HTR2C: variants seen among roughly 807,000 people sequenced by gnomAD.
HTR2C encodes 5-hydroxytryptamine (serotonin) receptor 2C, G protein-coupled.
In HTR2C, 5 loss-of-function variants were observed where a neutral mutation model predicts 21.0. The ratio of observed to expected loss-of-function variants is 0.24; its 90% CI spans 0.12 to 0.50. The LOEUF is 0.50. Ranked by LOEUF, HTR2C falls within the 20% of genes least tolerant of loss-of-function variation. The probability of loss-of-function intolerance (pLI) is 0.98; values close to 1 mark genes in which losing one functional copy is unlikely to be tolerated. For synonymous variants in HTR2C, 150 were observed against 145.3 expected (o/e 1.03, Z -0.23); for missense variants, 271 against 371.2 (o/e 0.73, Z 2.22).
At position 114,780,583 on chromosome X, in the gene HTR2C, A is replaced by G. The variant is rs1489285608; in HGVS notation, c.349+48976A>G. On this transcript the variant is annotated intron_variant, in intron 4 of 5. Transcript: ENST00000276198. ...TGCAAGAAAAGGTGCCTTAGAATTG[A>G]GGGGAGGAGTAAACCTGTCCCTGAT... 2.7e-5 allele frequency among the ~76,000 whole-genome samples: 3 copies of G among 111,527 alleles called. No individual in the cohort carries two copies. In the East Asian group the frequency reaches 8.5e-4, roughly 32 times the overall value.
chrX:114,726,767 C>G, intron 2 of HTR2C, 91 bp from the exon 3 acceptor site: 1 of 395,951 alleles, frequency 2.5e-6, no homozygotes. Flanking sequence ...TTCTTATCAC[C>G]ATTAAGTGCA....
rs199558474 is a variant in HTR2C, at chrX:114,848,219, T to C, written c.550+16T>C. ...ATTTCTATAGGTAAATAAAACTTTT[T>C]GGCCATAAGAATTGCAGCGGCTATG... On this transcript the variant is annotated intron_variant, in intron 5 of 5. Transcript: ENST00000276198. 6.0e-6 allele frequency: 7 copies of C among 1,162,828 alleles called. No homozygotes were observed. The highest frequency in any genetic ancestry group is 7.0e-6 in the Non-Finnish European group (6 of 853,237).
intron 4 of HTR2C, among the ~76,000 whole-genome samples, chrX:114,817,702 G>A (rs2070598495): frequency 9.0e-6 from 1 of 111,329 alleles, no homozygotes; most frequent in African/African-American, 3.3e-5. Context: ...GGAAGGGGTA[G>A]AATGAGGTTG....
At chrX:114,852,800 G>T (rs1271751318) in intron 5 of HTR2C, among the ~76,000 whole-genome samples, 1 of 109,883 alleles carries the variant, frequency 9.1e-6, no homozygotes, top group Non-Finnish European at 1.9e-5. Context: ...TGTCCTTTGT[G>T]TGTGCGTGCG....
intron 2 of HTR2C, among the ~76,000 whole-genome samples, chrX:114,702,580 C>T (rs1217766522): frequency 9.0e-6 from 1 of 111,535 alleles, no homozygotes; most frequent in Non-Finnish European, 1.9e-5. Context: ...TGGAAAGGAA[C>T]AACCGGTACC....
intron 5 of HTR2C, among the ~76,000 whole-genome samples, chrX:114,863,863 A>T (rs142749346): frequency 2.7e-5 from 3 of 111,568 alleles, no homozygotes; most frequent in Admixed American, 1.9e-4. Flanking sequence ...CTCCTGATGA[A>T]CTGGCTCTTT....
chrX:114,876,799 G>A (rs1282623763), intron 5 of HTR2C, among the ~76,000 whole-genome samples: 6 of 110,522 alleles, frequency 5.4e-5, no homozygotes, highest in Non-Finnish European at 9.5e-5. Context: ...CTTGGTCATG[G>A]TGTATGATAC....
At chrX:114,638,725 T>G (rs1196586887) in intron 2 of HTR2C, among the ~76,000 whole-genome samples, 1 of 87,204 alleles carries the variant, frequency 1.1e-5, no homozygotes, top group Non-Finnish European at 2.2e-5. Context: ...CCTTCCTGTG[T>G]CCATGTGTTC....
chrX:114,796,599 T>A (rs185132703), intron 4 of HTR2C, among the ~76,000 whole-genome samples: 1 of 111,957 alleles, frequency 8.9e-6, no homozygotes, highest in Non-Finnish European at 1.9e-5. Flanking sequence ...CTGCATTTAG[T>A]TATGAATAGC....
chrX:114,698,954 G>A (rs781883070), intron 2 of HTR2C, among the ~76,000 whole-genome samples: 5 of 111,612 alleles, frequency 4.5e-5, no homozygotes, highest in African/African-American at 1.6e-4. Context: ...ATCACTAATA[G>A]TAGTTATTGT....
At chrX:114,692,321 A>G (rs1029755228) in intron 2 of HTR2C, among the ~76,000 whole-genome samples, 22 of 112,112 alleles carry the variant, frequency 2.0e-4, no homozygotes, top group African/African-American at 7.1e-4. Context: ...ATATAAGACA[A>G]TTAGTGAGTT....
chrX:114,640,920 C>G (rs1930075223), intron 2 of HTR2C, among the ~76,000 whole-genome samples: 1 of 55,973 alleles, frequency 1.8e-5, no homozygotes, highest in Non-Finnish European at 3.4e-5. Context: ...TTCCTTCATT[C>G]TTTCCCTCCC....
chrX:114,874,138 TTGTGTGTG>T lies in HTR2C; in HGVS notation c.550+25949_550+25956del, dbSNP rs34475522. Among the ~76,000 whole-genome samples the T allele has an allele frequency of 2.8e-5, 3 of 105,954 alleles. No homozygotes were observed. The South Asian group carries it at 1.3e-3, about 46-fold the overall frequency. The allele number at this position is 105,954 out of a possible 115,157, so 92.0% of individuals were successfully genotyped here. A position where few individuals can be genotyped will look rare whatever the true frequency, so the allele number is the denominator to read the frequency against. ...TCTTTTTAATGACTGAATAATTCTC[TTGTGTGTG>T]TGTGTGTGTGTGTCATATTTTCTTT... On this transcript the variant is annotated intron_variant, in intron 5 of 5. Transcript: ENST00000276198.
chrX:114,838,885 T>C (rs2070810146), intron 4 of HTR2C, among the ~76,000 whole-genome samples: 1 of 112,347 alleles, frequency 8.9e-6, no homozygotes, highest in Admixed American at 9.4e-5. Context: ...CTAATGGTTA[T>C]GGCAACAGAA....
At chrX:114,638,232 C>T (rs1275008664) in intron 2 of HTR2C, among the ~76,000 whole-genome samples, 1 of 111,463 alleles carries the variant, frequency 9.0e-6, no homozygotes, top group African/African-American at 3.3e-5. Flanking sequence ...AAATTGAGAG[C>T]GAGCAACAAA....
At chrX:114,693,543 G>T (rs1932172210) in intron 2 of HTR2C, among the ~76,000 whole-genome samples, 2 of 111,611 alleles carry the variant, frequency 1.8e-5, no homozygotes, top group African/African-American at 3.3e-5. Flanking sequence ...GACATTTTGG[G>T]CCAAATGTTT....
intron 4 of HTR2C, among the ~76,000 whole-genome samples, chrX:114,834,867 C>T (rs1419931341): frequency 2.1e-4 from 23 of 108,981 alleles, no homozygotes; most frequent in South Asian, 8.1e-4. Flanking sequence ...CCATGTTTAG[C>T]GCTTCCTTCA....
chrX:114,780,303 A>G lies in HTR2C; in HGVS notation c.349+48696A>G, dbSNP rs73569300. Among the ~76,000 whole-genome samples, 639 of 111,579 alleles carry G rather than the reference A, an allele frequency of 5.7e-3. 3 individuals carry two copies. The highest frequency in any genetic ancestry group is 0.02 in the African/African-American group (612 of 30,716). On this transcript the variant is annotated intron_variant, in intron 4 of 5. Coordinates refer to ENST00000276198, the MANE Select transcript of HTR2C (RefSeq NM_000868.4). ...ACATAGGTATGTATGCATGTATGAA[A>G]GTATCAAAGAGCTCACATGAGAGTA... is the stretch of plus-strand genomic sequence containing the variant.
intron 1 of HTR2C, among the ~76,000 whole-genome samples, chrX:114,609,506 C>T (rs1482986986): frequency 9.0e-6 from 1 of 111,331 alleles, no homozygotes; most frequent in East Asian, 2.8e-4. Context: ...TGTAATTACT[C>T]TTTTGGTTGA....
Sources: gnomAD v4.1 joint callset for allele counts (sites outside exome capture counted in the v4.1 genomes callset) on GRCh38, gnomAD v4.1.1 for gene constraint, MANE v1.5 for transcripts, NCBI Gene and HGNC (gene_info 2026-07-23, HGNC 2026-07-21) for gene names.